The following CACNA2D2 variants were observed in gnomAD, a reference collection of about 807,000 sequenced individuals.
CACNA2D2 encodes the protein voltage-dependent calcium channel subunit alpha-2/delta-2.
CACNA2D2 carries 48 observed loss-of-function variants against 166.4 expected under a neutral mutation model. The observed-to-expected ratio is 0.29, with a 90% CI of 0.23 to 0.37. CACNA2D2 has a LOEUF of 0.37. CACNA2D2 is among the 10% of genes least tolerant of loss of function. The pLI, the probability that CACNA2D2 is intolerant of heterozygous loss-of-function variation, is 1.00. For missense variants in CACNA2D2, 1,122 were observed against 1,433.0 expected, an observed-to-expected ratio of 0.78 and a Z score of 3.50; for synonymous variants, 561 against 573.7, an observed-to-expected ratio of 0.98 and a Z score of 0.32.
chr3:50,387,530 G>A, intron 5 of CACNA2D2, 38 bp downstream of exon 5: 1 of 1,588,320 alleles, frequency 6.3e-7, no homozygotes, highest in Non-Finnish European at 8.6e-7. Context: ...GGCCACCAAG[G>A]CCCAGCAAGG....
rs752425216 is a variant in CACNA2D2, at chr3:50,365,001, A to ACGG, written c.3209-34_3209-32dup. 1.0e-4 allele frequency: 167 copies of ACGG among 1,605,870 alleles called. 3 individuals carry two copies. In the South Asian group the frequency reaches 1.6e-3, roughly 15 times the overall value. ...CATGGGTGGGGAGTCAAGGAGGCGG[A>ACGG]CGGCGGCGGCGGCACGGAGGGGGCG... On this transcript the variant is annotated intron_variant, in intron 36 of 37. Coordinates refer to ENST00000424201, the MANE Select transcript of CACNA2D2 (RefSeq NM_006030.4). The surrounding 1 kb of genome is among the most constrained non-coding windows in gnomAD (Gnocchi z 4.5).
intron 2 of CACNA2D2, among the ~76,000 whole-genome samples, chr3:50,444,279 G>C (rs2106930608): frequency 6.6e-6 from 1 of 152,326 alleles, no homozygotes; most frequent in Non-Finnish European, 1.5e-5. Flanking sequence ...TCTTACAGAT[G>C]AGGATACTGA....
In CACNA2D2 at chr3:50,366,946, G is replaced by A; in HGVS notation, c.2501-27C>T. On this transcript the variant is annotated intron_variant, in intron 28 of 37. Coordinates refer to ENST00000424201, the MANE Select transcript of CACNA2D2 (RefSeq NM_006030.4). The surrounding 1 kb of genome is among the most constrained non-coding windows in gnomAD (Gnocchi z 5.9). ...TTTGGGGGAGAGCAAGGGACCATCA[G>A]TGCTACCTGCCCAGGCAGTACCCTG... The A allele has an allele frequency of 2.5e-6, 4 of 1,613,406 alleles. No individual in the cohort carries two copies. Among genetic ancestry groups the A allele is most frequent in the Non-Finnish European group, 3.4e-6 (4 of 1,179,660 alleles).
At chr3:50,445,827 G>A (rs1575697917) in intron 2 of CACNA2D2, among the ~76,000 whole-genome samples, 1 of 152,216 alleles carries the variant, frequency 6.6e-6, no homozygotes, top group East Asian at 1.9e-4. Context: ...CTTTCCTAGA[G>A]CTGGGGTCAG....
chr3:50,377,986 C>G (rs1575600700), intron 15 of CACNA2D2, 22 bp downstream of exon 15: 1 of 1,610,892 alleles, frequency 6.2e-7, no homozygotes, highest in Non-Finnish European at 8.5e-7. Flanking sequence ...AGCCCCACCC[C>G]TTCCTTGTCC....
chr3:50,428,038 G>A (rs539945854), intron 3 of CACNA2D2, among the ~76,000 whole-genome samples: 14 of 152,208 alleles, frequency 9.2e-5, no homozygotes, highest in African/African-American at 2.2e-4. Context: ...GCACCTCTCC[G>A]AGGCCCCCAG....
At chr3:50,487,020 C>T (rs368722063) in intron 1 of CACNA2D2, among the ~76,000 whole-genome samples, 4 of 152,280 alleles carry the variant, frequency 2.6e-5, no homozygotes, top group East Asian at 3.9e-4. Context: ...TCCACTGCAG[C>T]GATGGTACCT....
intron 3 of CACNA2D2, among the ~76,000 whole-genome samples, chr3:50,410,458 C>T (rs1262451979): frequency 6.6e-6 from 1 of 150,734 alleles, no homozygotes; most frequent in Non-Finnish European, 1.5e-5. Context: ...CCCGAACCCA[C>T]AGAGCTGGGT....
intron 23 of CACNA2D2, 41 bp downstream of exon 23, chr3:50,370,279 G>C (rs1372000409): frequency 6.7e-7 from 1 of 1,489,092 alleles, no homozygotes; most frequent in Non-Finnish European, 9.2e-7. Flanking sequence ...GGGGCGGTCA[G>C]GGTAGGGGAG....
intron 21 of CACNA2D2, 25 bp from the exon 22 acceptor site, chr3:50,374,838 C>T (rs768479906): frequency 5.6e-5 from 88 of 1,558,966 alleles, no homozygotes; most frequent in African/African-American, 2.0e-4. Context: ...GCTCGGGTCA[C>T]GGCTGGGGGG....
In CACNA2D2 at chr3:50,368,058, G is replaced by C. The variant is rs1704445841; in HGVS notation, c.2143+80C>G. ...CTTGTGCCTGCTTATTTCCACACCT[G>C]CCCGGCCTCTGGGTTCCTCTGGGCT... On this transcript the variant is annotated intron_variant, in intron 24 of 37. Transcript: ENST00000424201. 7 of 1,244,318 alleles carry C rather than the reference G, an allele frequency of 5.6e-6. No individual in the cohort carries two copies. The South Asian group carries it at 8.4e-5, about 15-fold the overall frequency. 77.1% of individuals were successfully genotyped at this position (1,244,318 alleles called of 1,614,324 possible). A position where few individuals can be genotyped will look rare whatever the true frequency, so the allele number is the denominator to read the frequency against.
intron 3 of CACNA2D2, among the ~76,000 whole-genome samples, chr3:50,408,645 C>T (rs769720302): frequency 6.6e-6 from 1 of 152,208 alleles, no homozygotes; most frequent in East Asian, 1.9e-4. Flanking sequence ...ACATTTAAGG[C>T]GTTTGTCAGA....
At chr3:50,414,482 G>C (rs1707175354) in intron 3 of CACNA2D2, among the ~76,000 whole-genome samples, 1 of 152,160 alleles carries the variant, frequency 6.6e-6, no homozygotes. Flanking sequence ...GCCTCCTCTA[G>C]GGTAAACCAT....
intron 1 of CACNA2D2, among the ~76,000 whole-genome samples, chr3:50,500,907 C>G (rs1698937504): frequency 2.0e-5 from 3 of 152,148 alleles, no homozygotes; most frequent in Non-Finnish European, 2.9e-5. Context: ...GCTAGCAGAC[C>G]CCAAACCCAC....
chr3:50,410,490 G>GGT (rs1371684449), intron 3 of CACNA2D2, among the ~76,000 whole-genome samples: 1 of 151,712 alleles, frequency 6.6e-6, no homozygotes, highest in African/African-American at 2.4e-5. Flanking sequence ...TGGGGGGGGG[G>GGT]GTGTTGTCTT....
chr3:50,465,062 C>T (rs1201556872), intron 2 of CACNA2D2, among the ~76,000 whole-genome samples: 4 of 152,234 alleles, frequency 2.6e-5, no homozygotes, highest in Admixed American at 2.6e-4. Context: ...GTCCATACTC[C>T]TGCTGGGCCT....
At chr3:50,456,438 T>G (rs1285045799) in intron 2 of CACNA2D2, among the ~76,000 whole-genome samples, 1 of 152,192 alleles carries the variant, frequency 6.6e-6, no homozygotes, top group Non-Finnish European at 1.5e-5. Flanking sequence ...ACATTGTGAC[T>G]TCACAATTTT....
intron 2 of CACNA2D2, among the ~76,000 whole-genome samples, chr3:50,459,704 G>A (rs1709512333): frequency 6.6e-6 from 1 of 152,212 alleles, no homozygotes; most frequent in African/African-American, 2.4e-5. Flanking sequence ...TGGTACACTT[G>A]TACCAGGACC....
intron 2 of CACNA2D2, among the ~76,000 whole-genome samples, chr3:50,458,213 G>A (rs965859575): frequency 5.9e-5 from 9 of 152,204 alleles, no homozygotes; most frequent in Admixed American, 2.6e-4. Flanking sequence ...TTCCCACTGC[G>A]CAGATGGGGA....
Sources: allele counts gnomAD v4.1 joint callset (sites outside exome capture counted in the v4.1 genomes callset), GRCh38; gene constraint gnomAD v4.1.1; non-coding constraint Gnocchi (gnomAD v3.1); transcripts MANE v1.5; gene names NCBI Gene and HGNC (gene_info 2026-07-23, HGNC 2026-07-21).